The following F13B variants were observed in gnomAD, a reference collection of about 807,000 sequenced individuals.
F13B encodes the protein TGase.
Under a neutral mutation model 79.8 loss-of-function variants are expected in F13B, and 58 were observed. The ratio of observed to expected loss-of-function variants is 0.73; its 90% CI spans 0.59 to 0.90. The LOEUF (loss-of-function observed/expected upper bound fraction) is 0.90. Among genes scored for constraint, F13B ranks in the 40% least tolerant of loss-of-function variants. F13B has a pLI of 0.00. For missense variants in F13B, 773 were observed against 777.0 expected (o/e 0.99, Z 0.06); for synonymous variants, 283 against 260.3 (o/e 1.09, Z -0.84).
rs950820772 is a variant in F13B at position 197,050,315 on chromosome 1, T to A, written c.1738+382A>T. On this transcript the variant is annotated intron_variant, in intron 10 of 11. Coordinates refer to ENST00000367412, the MANE Select transcript of F13B (RefSeq NM_001994.3). ...TAATAAAACATTAACTTGCTTCATC[T>A]TTCCATATTGAGTTGTCCATTTCTT... 2.0e-5 allele frequency among the ~76,000 whole-genome samples: 3 copies of A among 152,310 alleles called. No homozygotes were observed. In the Middle Eastern group the frequency reaches 0.01, roughly 518 times the overall value.
At chr1:197,062,120 C>G in intron 2 of F13B, 151 bp from the exon 3 acceptor site, 1 of 685,942 alleles carries the variant, frequency 1.5e-6, no homozygotes, top group South Asian at 1.8e-5. Context: ...CAATTTAACA[C>G]TGACTCTCTT....
intron 10 of F13B, among the ~76,000 whole-genome samples, chr1:197,045,822 A>G (rs1019694135): frequency 2.6e-5 from 4 of 152,226 alleles, no homozygotes; most frequent in African/African-American, 4.8e-5. Context: ...CACCACGATC[A>G]AGATGGCTTC....
intron 1 of F13B, among the ~76,000 whole-genome samples, chr1:197,065,571 T>C (rs1656018725): frequency 6.6e-6 from 1 of 152,138 alleles, no homozygotes; most frequent in Non-Finnish European, 1.5e-5. Context: ...ACAATTTACA[T>C]CCTCTCTCAG....
chr1:197,060,533 C>T lies in F13B; in HGVS notation c.638G>A (p.Cys213Tyr). 1 of 1,576,462 alleles carries T rather than the reference C, an allele frequency of 6.3e-7. No homozygotes were observed. Among genetic ancestry groups the T allele is most frequent in the Non-Finnish European group, 8.7e-7 (1 of 1,153,872 alleles). Residue 213 changes from cysteine (C) to tyrosine (Y), a missense_variant, in exon 5 of 12, where the codon TGC becomes TAC. By Grantham distance (194) the Cys-to-Tyr change is radical. Transcript: ENST00000367412. ...ATTTTCAATTAATCTTAAAGAAGAG[C>T]ACTTTAATTCTGCAAATAAAAGAAT... ...SLTPKCTKLK[C>Y]SSLRLIENGY...
At chr1:197,043,258 G>A (rs1461557566) in intron 10 of F13B, among the ~76,000 whole-genome samples, 1 of 152,136 alleles carries the variant, frequency 6.6e-6, no homozygotes, top group Non-Finnish European at 1.5e-5. Context: ...CAGTCTGTGA[G>A]AAAAGGCAAA....
rs745383566 is a variant in F13B, at chr1:197,060,971, T to C, written c.556A>G (p.Thr186Ala). The C allele has an allele frequency of 3.1e-6, 5 of 1,612,716 alleles. No individual in the cohort carries two copies. In the Admixed American group the frequency reaches 8.3e-5, roughly 27 times the overall value. ...TCCTCTGTCTTCTTTCCTCCAGCTG[T>C]GTAGTAGCCAGTAGCACATTCGTAT... ...VQYECATGYY[T>A]AGGKKTEEVE... Residue 186 changes from threonine to alanine, a missense_variant, in exon 4 of 12, where the codon ACA becomes GCA. Thr to Ala is a moderately conservative substitution (Grantham distance 58, BLOSUM62 0). Coordinates refer to ENST00000367412, the MANE Select transcript of F13B (RefSeq NM_001994.3).
chr1:197,066,905 TC>T (rs1221038308), intron 1 of F13B, among the ~76,000 whole-genome samples: 2 of 152,110 alleles, frequency 1.3e-5, no homozygotes, highest in East Asian at 1.9e-4. Flanking sequence ...AGTATTTAGA[TC>T]CTGGTCTCCT....
chr1:197,057,219 G>C (rs1305619729), intron 6 of F13B, 21 bp from the exon 7 acceptor site: 28 of 1,613,768 alleles, frequency 1.7e-5, no homozygotes, highest in Non-Finnish European at 2.1e-5. Flanking sequence ...ACAGTTGAAA[G>C]AGAACTGACC....
chr1:197,057,169 G>A lies in F13B; in HGVS notation c.1015C>T (p.Pro339Ser), dbSNP rs1392513045. 5 of 1,613,722 alleles carry A rather than the reference G, an allele frequency of 3.1e-6. No individual in the cohort carries two copies. Among genetic ancestry groups the A allele is most frequent in the Non-Finnish European group, 4.2e-6 (5 of 1,179,912 alleles). The change falls in exon 7 of 12, where the codon CCA becomes TCA. Residue 339 changes from proline to serine, a missense_variant. Physicochemically the swap from Pro to Ser is moderately conservative, Grantham distance 74. Transcript: ENST00000367412. ...GCTGCACCATTTTCAATGAAGGGTGGTTCCTCACAGGCTACCTTCTCCTGT... is the reference window on the plus strand; with the variant it reads ...GCTGCACCATTTTCAATGAAGGGTGATTCCTCACAGGCTACCTTCTCCTGT... ...EGQEKVACEE[P>S]PFIENGAANL... is the part of the protein sequence containing the mutation.
Position 197,057,137 on chromosome 1 carries a change from T to TA in F13B, c.1046dup (p.Leu349PhefsTer4). 6.2e-7 allele frequency: 1 copy of TA among 1,613,930 alleles called. No individual in the cohort carries two copies. The highest frequency in any genetic ancestry group is 8.5e-7 in the Non-Finnish European group (1 of 1,179,934). On this transcript the variant is annotated frameshift_variant, in exon 7 of 12. Coordinates refer to ENST00000367412, the MANE Select transcript of F13B (RefSeq NM_001994.3). LOFTEE classifies it high-confidence loss of function. ...CCCCATTGTAATAAATCTTAGAGTG[T>TA]AAATTTGCTGCACCATTTTCAATGA...
At chr1:197,056,921 G>T in intron 7 of F13B, 92 bp downstream of exon 7, 2 of 1,364,262 alleles carry the variant, frequency 1.5e-6, no homozygotes, top group East Asian at 4.7e-5. Flanking sequence ...CCTAAGCAGT[G>T]GTCTTTTCCT....
At chr1:197,050,614 T>C (rs1571557661) in intron 10 of F13B, 83 bp downstream of exon 10, 1 of 1,173,400 alleles carries the variant, frequency 8.5e-7, no homozygotes. Context: ...TAGCATTATA[T>C]TAGTGTTATG....
rs762656518 is a variant in F13B at position 197,055,726 on chromosome 1, G to C, written c.1343C>G (p.Pro448Arg). The change falls in exon 8 of 12, where the codon CCT (proline) becomes CGT (arginine). Residue 448 changes from proline (P) to arginine (R), a missense_variant. Physicochemically the swap from Pro to Arg is moderately radical, Grantham distance 103. Transcript: ENST00000367412. Reference sequence around the variant, plus strand: ...GTTCTCTTTCTTACCCAAGCAAACAGGTGGGGATGACCATTTTCCTTGTTC... The same window carrying C: ...GTTCTCTTTCTTACCCAAGCAAACACGTGGGGATGACCATTTTCCTTGTTC... ...RCEQGKWSSPPVCLEPCTVNV... is the reference protein window; with the variant it reads ...RCEQGKWSSPRVCLEPCTVNV... 6.2e-7 allele frequency: 1 copy of C among 1,613,404 alleles called. No individual in the cohort carries two copies. The highest frequency in any genetic ancestry group is 1.1e-5 in the South Asian group (1 of 91,068).
At chr1:197,065,570 A>G (rs1656018619) in intron 1 of F13B, among the ~76,000 whole-genome samples, 2 of 152,182 alleles carry the variant, frequency 1.3e-5, no homozygotes, top group Non-Finnish European at 2.9e-5. Context: ...AACAATTTAC[A>G]TCCTCTCTCA....
intron 5 of F13B, among the ~76,000 whole-genome samples, chr1:197,058,761 G>T (rs1040836146): frequency 3.3e-5 from 5 of 152,082 alleles, no homozygotes; most frequent in Admixed American, 2.6e-4. Flanking sequence ...CTCAGTATTA[G>T]AATGTGGCTA....
chr1:197,055,675 A>G (rs776467694), intron 8 of F13B, 40 bp downstream of exon 8: 15 of 1,594,832 alleles, frequency 9.4e-6, no homozygotes, highest in Middle Eastern at 1.7e-4. Context: ...AAATCACATA[A>G]AAGTACAAAC....
At chr1:197,048,636 A>G (rs1303257107) in intron 10 of F13B, among the ~76,000 whole-genome samples, 1 of 152,146 alleles carries the variant, frequency 6.6e-6, no homozygotes, top group African/African-American at 2.4e-5. Context: ...ACAAAAGCAA[A>G]AATGGACAGA....
chr1:197,066,472 G>A (rs936204978), intron 1 of F13B, among the ~76,000 whole-genome samples: 3 of 151,962 alleles, frequency 2.0e-5, no homozygotes, highest in South Asian at 4.1e-4. Flanking sequence ...GCTTCCACTC[G>A]CACACTAATC....
In F13B at chr1:197,062,374, T is replaced by G. The variant is rs551648826; in HGVS notation, c.266-405A>C. 7.9e-5 allele frequency among the ~76,000 whole-genome samples: 12 copies of G among 152,282 alleles called. No individual in the cohort carries two copies. In the South Asian group the frequency reaches 2.5e-3, roughly 32 times the overall value. On this transcript the variant is annotated intron_variant, in intron 2 of 11. Coordinates refer to ENST00000367412, the MANE Select transcript of F13B (RefSeq NM_001994.3). ...CAATTAGATTACCTTCTCACAACTTTGAACTCAAACTTTCAATTCAAAATT... is the reference window on the plus strand; with the variant it reads ...CAATTAGATTACCTTCTCACAACTTGGAACTCAAACTTTCAATTCAAAATT...
Sources: gnomAD v4.1 joint callset for allele counts (sites outside exome capture counted in the v4.1 genomes callset) on GRCh38, gnomAD v4.1.1 for gene constraint, MANE v1.5 for transcripts, NCBI Gene and HGNC (gene_info 2026-07-23, HGNC 2026-07-21) for gene names.